PSPC1: variants seen among roughly 807,000 people sequenced by gnomAD.
PSPC1 encodes paraspeckle component 1, also known as paraspeckle protein 1.
PSPC1 carries 14 observed loss-of-function variants against 51.6 expected under a neutral mutation model. The ratio of observed to expected loss-of-function variants is 0.27; its 90% CI spans 0.18 to 0.42. The LOEUF (loss-of-function observed/expected upper bound fraction) is 0.42. PSPC1 is among the 10% of genes least tolerant of loss of function. The pLI is 1.00. For synonymous variants in PSPC1, 193 were observed against 231.9 expected, an observed-to-expected ratio of 0.83 and a Z score of 1.53; for missense variants, 406 against 701.1, an observed-to-expected ratio of 0.58 and a Z score of 4.75.
At chr13:19,689,906 C>T (rs1452519459) in intron 6 of PSPC1, among the ~76,000 whole-genome samples, 2 of 151,998 alleles carry the variant, frequency 1.3e-5, no homozygotes, top group African/African-American at 4.8e-5. Flanking sequence ...TCCAACTGAA[C>T]AGTAATATAT....
At chr13:19,704,486 G>A (rs1266274468) in intron 8 of PSPC1, among the ~76,000 whole-genome samples, 1 of 152,298 alleles carries the variant, frequency 6.6e-6, no homozygotes, top group Non-Finnish European at 1.5e-5. Flanking sequence ...TGACAGGTCT[G>A]AGTCTAACAG....
At position 19,772,223 on chromosome 13, in the gene PSPC1, C is replaced by T. The variant is rs970492062; in HGVS notation, c.674+19G>A. 1 of 1,604,676 alleles carries T rather than the reference C, an allele frequency of 6.2e-7. No homozygotes were observed. Reference sequence around the variant, plus strand: ...CATATGTAACTGGATAGAAGAAGGACAAGATATTTAAAACTTACGTTGTTA... The same window carrying T: ...CATATGTAACTGGATAGAAGAAGGATAAGATATTTAAAACTTACGTTGTTA... On this transcript the variant is annotated intron_variant, in intron 2 of 8. Coordinates refer to ENST00000338910, the MANE Select transcript of PSPC1 (RefSeq NM_001354909.2).
chr13:19,709,158 C>CAAAAAAAAAAAAAAAAAAAAAAAA (rs11446310), intron 7 of PSPC1, among the ~76,000 whole-genome samples: 1 of 83,718 alleles, frequency 1.2e-5, no homozygotes, highest in Non-Finnish European at 2.2e-5. Context: ...GGTCCTGCCT[C>CAAAAAAAAAAAAAAAAAAAAAAAA]AAAAAAAAAA....
chr13:19,775,616 T>C (rs1180488365), intron 1 of PSPC1, among the ~76,000 whole-genome samples: 1 of 152,252 alleles, frequency 6.6e-6, no homozygotes, highest in Non-Finnish European at 1.5e-5. Context: ...AACAGTCGTT[T>C]TGTTTATTGC....
intron 1 of PSPC1, among the ~76,000 whole-genome samples, chr13:19,781,638 A>C (rs1490364941): frequency 2.0e-5 from 3 of 152,104 alleles, no homozygotes; most frequent in African/African-American, 7.2e-5. Flanking sequence ...TTGAGTACAG[A>C]GTTTGGGCAC....
chr13:19,680,694 C>A (rs1877172463), intron 6 of PSPC1, among the ~76,000 whole-genome samples: 1 of 152,148 alleles, frequency 6.6e-6, no homozygotes, highest in Non-Finnish European at 1.5e-5. Flanking sequence ...CTATATGACA[C>A]CATCTTGAAC....
At chr13:19,678,648 T>G (rs146329926) in intron 6 of PSPC1, 1 of 152,194 alleles carries the variant, frequency 6.6e-6, no homozygotes, top group African/African-American at 2.4e-5. Flanking sequence ...GAAATATGTA[T>G]GCAGAAACTG....
intron 6 of PSPC1, among the ~76,000 whole-genome samples, chr13:19,719,077 C>T (rs1021789951): frequency 9.3e-5 from 14 of 149,816 alleles, no homozygotes; most frequent in Admixed American, 2.0e-4. Flanking sequence ...TCAGAATGTA[C>T]ACCCAGAGCA....
Position 19,703,303 on chromosome 13 carries a change from T to TAC in PSPC1, c.1442_1443dup (p.Arg482ValfsTer12), listed in dbSNP as rs1880196443. 2 of 1,613,836 alleles carry TAC rather than the reference T, an allele frequency of 1.2e-6. No individual in the cohort carries two copies. Among genetic ancestry groups the TAC allele is most frequent in the African/African-American group, 2.7e-5 (2 of 74,944 alleles). On this transcript the variant is annotated frameshift_variant, in exon 9 of 9. Transcript: ENST00000338910. LOFTEE classifies it high-confidence loss of function. Reference sequence around the variant, plus strand: ...GCTTGAGGGGTTTCAGAACCTGTTCTACTCCCCATAGGTGAACCCATCTGA... The same window carrying TAC: ...GCTTGAGGGGTTTCAGAACCTGTTCTACACTCCCCATAGGTGAACCCATCTGA...
chr13:19,761,694 C>G (rs1486354495), intron 2 of PSPC1, among the ~76,000 whole-genome samples: 1 of 152,062 alleles, frequency 6.6e-6, no homozygotes, highest in African/African-American at 2.4e-5. Flanking sequence ...TGAATAGGAA[C>G]CCAAAGGTAA....
At chr13:19,747,340 C>CT (rs199684901) in intron 4 of PSPC1, among the ~76,000 whole-genome samples, 1 of 151,684 alleles carries the variant, frequency 6.6e-6, no homozygotes, top group African/African-American at 2.4e-5. Context: ...AGGTAAACAG[C>CT]TTTTTTTTAG....
chr13:19,702,201 T>G (rs530160350), downstream of PSPC1, among the ~76,000 whole-genome samples: 9 of 152,244 alleles, frequency 5.9e-5, no homozygotes, highest in South Asian at 1.9e-3. Flanking sequence ...ATCAGACACG[T>G]TTTACTGGAG....
downstream of PSPC1, chr13:19,672,731 A>C (rs1876205448): frequency 6.1e-6 from 1 of 164,678 alleles, no homozygotes; most frequent in Admixed American, 5.8e-5. Flanking sequence ...TCATCTTTTC[A>C]AAGGGTAACA....
At chr13:19,681,712 G>A (rs1877285476) in intron 6 of PSPC1, among the ~76,000 whole-genome samples, 1 of 152,084 alleles carries the variant, frequency 6.6e-6, no homozygotes, top group Admixed American at 6.6e-5. Flanking sequence ...GGTGGGGTAG[G>A]GATTTCCATG....
At chr13:19,700,142 C>A (rs1175524246), downstream of PSPC1, among the ~76,000 whole-genome samples, 1 of 152,030 alleles carries the variant, frequency 6.6e-6, no homozygotes, top group African/African-American at 2.4e-5. Flanking sequence ...TCAACCTAAT[C>A]CCCATTTACT....
chr13:19,721,439 T>A (rs2137855569), intron 6 of PSPC1, among the ~76,000 whole-genome samples: 1 of 152,272 alleles, frequency 6.6e-6, no homozygotes, highest in South Asian at 2.1e-4. Flanking sequence ...GAACCAAAAA[T>A]TATTAGAACT....
At chr13:19,671,698 T>G, downstream of PSPC1, 1 of 725,146 alleles carries the variant, frequency 1.4e-6, no homozygotes, top group Non-Finnish European at 2.4e-6. Context: ...GGCAATGATC[T>G]AACAATGTAA....
chr13:19,741,160 T>C (rs1885398809), intron 5 of PSPC1, among the ~76,000 whole-genome samples: 1 of 152,098 alleles, frequency 6.6e-6, no homozygotes, highest in Admixed American at 6.6e-5. Flanking sequence ...AGGCATGAGC[T>C]ACTGCCCCCA....
At chr13:19,686,205 A>G (rs1215577448) in intron 6 of PSPC1, among the ~76,000 whole-genome samples, 1 of 152,184 alleles carries the variant, frequency 6.6e-6, no homozygotes, top group Non-Finnish European at 1.5e-5. Context: ...AGGGAAAAAA[A>G]ATTCCCAACT....
Sources: gnomAD v4.1 joint callset for allele counts (sites outside exome capture counted in the v4.1 genomes callset) on GRCh38, gnomAD v4.1.1 for gene constraint, MANE v1.5 for transcripts, NCBI Gene and HGNC (gene_info 2026-07-23, HGNC 2026-07-21) for gene names.